Variants in KANK2 observed in about 807,000 individuals in gnomAD.
KANK2 encodes KN motif and ankyrin repeat domain-containing protein 2.
KANK2 carries 41 observed loss-of-function variants against 74.6 expected under a neutral mutation model. That is an observed-to-expected ratio of 0.55 (90% CI 0.43 to 0.71). The LOEUF is 0.71. Ranked by LOEUF, KANK2 falls within the 30% of genes least tolerant of loss-of-function variation. The pLI is 0.00. For missense variants in KANK2, 1,148 were observed against 1,196.4 expected (o/e 0.96, Z 0.60); for synonymous variants, 537 against 519.0 (o/e 1.03, Z -0.47).
chr19:11,183,799 C>T lies in KANK2; in HGVS notation c.1250-5079G>A, dbSNP rs192651562. 9.9e-5 allele frequency among the ~76,000 whole-genome samples: 15 copies of T among 152,118 alleles called. No individual in the cohort carries two copies. The East Asian group carries it at 1.2e-3, about 12-fold the overall frequency. On this transcript the variant is annotated intron_variant, in intron 4 of 12. Coordinates refer to ENST00000586659, the MANE Select transcript of KANK2 (RefSeq NM_001136191.3). ...CCGAGTAGCTGGGATTACAAGTGCC[C>T]GCTACCATGCCCAGCTAATTTTTTT...
chr19:11,173,251 C>G, intron 9 of KANK2, 128 bp from the exon 10 acceptor site: 1 of 937,748 alleles, frequency 1.1e-6, no homozygotes, highest in Non-Finnish European at 1.5e-6. Flanking sequence ...CAGAGGACCC[C>G]ACTCTGCCCT....
intron 4 of KANK2, among the ~76,000 whole-genome samples, chr19:11,188,062 T>C (rs1264323205): frequency 6.6e-6 from 1 of 152,168 alleles, no homozygotes; most frequent in Non-Finnish European, 1.5e-5. Context: ...TACTGACCCT[T>C]AGCATTGAAG....
At position 11,193,615 on chromosome 19, in the gene KANK2, C is replaced by G. The variant is rs768690368; in HGVS notation, c.465G>C (p.Ser155=). The change falls in exon 4 of 13, where the codon TCG becomes TCC. Residue 155 remains serine (S), a synonymous_variant. Coordinates refer to ENST00000586659, the MANE Select transcript of KANK2 (RefSeq NM_001136191.3). This position sits in a 1 kb window ranked among gnomAD's most constrained non-coding sequence, Gnocchi z 9.6. ...ACCCCACGCCCACCAGGGAGGCTGT[C>G]GAGCCGGCCGCACTGGGGGTCAGGG... ...LGSLTPSAAG[S]TASLVGVGLP... The G allele has an allele frequency of 3.2e-6, 5 of 1,584,550 alleles. No homozygotes were observed. The African/African-American group carries it at 6.7e-5, about 21-fold the overall frequency.
chr19:11,186,669 A>G (rs1464516805), intron 4 of KANK2, among the ~76,000 whole-genome samples: 1 of 152,212 alleles, frequency 6.6e-6, no homozygotes, highest in Non-Finnish European at 1.5e-5. Flanking sequence ...ACTGCACTCC[A>G]GCCTGGGCAA....
Position 11,173,110 on chromosome 19 carries a change from C to T in KANK2, c.2082G>A (p.Val694=). 3 of 1,613,462 alleles carry T rather than the reference C, an allele frequency of 1.9e-6. No homozygotes were observed. The highest frequency in any genetic ancestry group is 1.7e-6 in the Non-Finnish European group (2 of 1,179,690). Residue 694 remains valine, a synonymous_variant, in exon 10 of 13, where the codon GTG becomes GTA. Coordinates refer to ENST00000586659, the MANE Select transcript of KANK2 (RefSeq NM_001136191.3). ...TGTAGCCAGCACGGTTCTGTTTGTC[C>T]ACCTTGCAGACACCTAAGAGACATG... ...QQLLDSGVCK[V]DKQNRAGYSP... is the part of the protein sequence containing the mutation.
intron 8 of KANK2, 96 bp downstream of exon 8, chr19:11,175,806 A>C: frequency 4.9e-6 from 4 of 810,818 alleles, no homozygotes; most frequent in Non-Finnish European, 6.1e-6. Flanking sequence ...CCCACTAGGC[A>C]GGAGCAGGAA....
chr19:11,169,376 C>T (rs1025102521), intron 12 of KANK2, among the ~76,000 whole-genome samples: 5 of 152,146 alleles, frequency 3.3e-5, no homozygotes, highest in East Asian at 1.9e-4. Flanking sequence ...GGTGTGGTGA[C>T]GTGCGCCTGT....
At chr19:11,188,615 TC>T (rs2078746457) in intron 4 of KANK2, among the ~76,000 whole-genome samples, 1 of 151,916 alleles carries the variant, frequency 6.6e-6, no homozygotes, top group Non-Finnish European at 1.5e-5. Flanking sequence ...AGGGCCTTTG[TC>T]CCTGCTGTGC....
chr19:11,174,566 CGTA>C lies in KANK2; in HGVS notation c.1972_1974del (p.Tyr658del). The stretch of plus-strand genomic sequence containing the variant: ...CCGTTGCTGTCGGCGATGTTGACCA[CGTA>C]GTCCAGCAGCCGCGCAGACATGGCC... On this transcript the variant is annotated inframe_deletion, in exon 9 of 13. Transcript: ENST00000586659. 6.2e-7 allele frequency: 1 copy of C among 1,613,566 alleles called. No homozygotes were observed. The highest frequency in any genetic ancestry group is 8.5e-7 in the Non-Finnish European group (1 of 1,179,860).
Position 11,195,684 on chromosome 19 carries a change from TCTCCA to T in KANK2, c.-147_-143del, listed in dbSNP as rs2078997588. On this transcript the variant is annotated 5_prime_UTR_variant, in exon 2 of 13. Coordinates refer to ENST00000586659, the MANE Select transcript of KANK2 (RefSeq NM_001136191.3). ...GTCTCTCTCCAAGTCTCTCTGTGTC[TCTCCA>T]CGTCTCTCTGTGTCTCTCCACGTCT... 2.3e-5 allele frequency: 1 copy of T among 44,172 alleles called. No individual in the cohort carries two copies. The highest frequency in any genetic ancestry group is 4.1e-5 in the Non-Finnish European group (1 of 24,150). 2.7% of individuals were successfully genotyped at this position (44,172 alleles called of 1,614,324 possible).
chr19:11,190,505 G>T (rs898162008), intron 4 of KANK2, among the ~76,000 whole-genome samples: 1 of 152,120 alleles, frequency 6.6e-6, no homozygotes, highest in African/African-American at 2.4e-5. Context: ...GTTTCCCCAG[G>T]TATGAACAGG....
rs770819010 is a variant in KANK2, at chr19:11,193,023, G to A, written c.1057C>T (p.Arg353Trp). 1.7e-5 allele frequency: 27 copies of A among 1,612,726 alleles called. No homozygotes were observed. The highest frequency in any genetic ancestry group is 3.3e-5 in the Admixed American group (2 of 59,902). Residue 353 changes from arginine to tryptophan, a missense_variant, in exon 4 of 13, where the codon CGG (arginine) becomes TGG (tryptophan). Coordinates refer to ENST00000586659, the MANE Select transcript of KANK2 (RefSeq NM_001136191.3). The surrounding 1 kb of genome is among the most constrained non-coding windows in gnomAD (Gnocchi z 9.6). ...ASTAAGAPAQ[R>W]AQSLEPYGTG... ...CCGTAAGGCTCCAGGCTCTGGGCCC[G>A]CTGTGCGGGGGCGCCAGCGGCTGTG...
intron 1 of KANK2, chr19:11,196,355 G>C (rs1237919577): frequency 6.6e-6 from 1 of 152,416 alleles, no homozygotes; most frequent in Non-Finnish European, 1.5e-5. Flanking sequence ...ACTGCACCCA[G>C]CCTAACATCA....
intron 10 of KANK2, among the ~76,000 whole-genome samples, chr19:11,171,122 C>T (rs1384893749): frequency 6.6e-6 from 1 of 152,200 alleles, no homozygotes; most frequent in Non-Finnish European, 1.5e-5. Flanking sequence ...TAATTCTGGG[C>T]ACTGTGGCTT....
Position 11,170,002 on chromosome 19 carries a change from T to A in KANK2, c.2413-36A>T, listed in dbSNP as rs2078127424. On this transcript the variant is annotated intron_variant, in intron 11 of 12. Coordinates refer to ENST00000586659, the MANE Select transcript of KANK2 (RefSeq NM_001136191.3). The surrounding 1 kb of genome is among the most constrained non-coding windows in gnomAD (Gnocchi z 5.2). Reference sequence around the variant, plus strand: ...TCCGGTGCTATGAATGACGTCCCCATGCTGTGCTCCCGCCCTCCCCGGGGT... The same window carrying A: ...TCCGGTGCTATGAATGACGTCCCCAAGCTGTGCTCCCGCCCTCCCCGGGGT... 1 of 1,612,554 alleles carries A rather than the reference T, an allele frequency of 6.2e-7. No individual in the cohort carries two copies.
intron 10 of KANK2, among the ~76,000 whole-genome samples, chr19:11,172,547 G>A (rs190078537): frequency 7.1e-4 from 108 of 152,134 alleles, no homozygotes; most frequent in African/African-American, 2.6e-3. Flanking sequence ...TGAAGGGAGC[G>A]CTCAAACCAG....
chr19:11,193,109 G>C lies in KANK2; in HGVS notation c.971C>G (p.Pro324Arg), dbSNP rs113239163. 6.2e-7 allele frequency: 1 copy of C among 1,605,884 alleles called. No individual in the cohort carries two copies. Among genetic ancestry groups the C allele is most frequent in the Non-Finnish European group, 8.5e-7 (1 of 1,175,908 alleles). The change falls in exon 4 of 13, where the codon CCG (proline) becomes CGG (arginine). Residue 324 changes from proline (P) to arginine (R), a missense_variant. Transcript: ENST00000586659. This position sits in a 1 kb window ranked among gnomAD's most constrained non-coding sequence, Gnocchi z 9.6. ...QPQAWPPPDS[P>R]VRVDTVRVVE... is the part of the protein sequence containing the mutation. Reference sequence around the variant, plus strand: ...CACCCGGACTGTATCCACGCGGACCGGGCTGTCCGGCGGTGGCCAGGCCTG... The same window carrying C: ...CACCCGGACTGTATCCACGCGGACCCGGCTGTCCGGCGGTGGCCAGGCCTG...
intron 4 of KANK2, among the ~76,000 whole-genome samples, chr19:11,186,573 C>T (rs988302753): frequency 6.6e-6 from 1 of 151,836 alleles, no homozygotes; most frequent in African/African-American, 2.4e-5. Context: ...GGGGCGCATG[C>T]CTGTAATCTC....
At chr19:11,172,194 CTT>C (rs2078196462) in intron 10 of KANK2, among the ~76,000 whole-genome samples, 1 of 151,834 alleles carries the variant, frequency 6.6e-6, no homozygotes, top group African/African-American at 2.4e-5. Flanking sequence ...TCAGGCTGGT[CTT>C]GAACTTCTGA....
Sources: allele counts gnomAD v4.1 joint callset (sites outside exome capture counted in the v4.1 genomes callset), GRCh38; gene constraint gnomAD v4.1.1; non-coding constraint Gnocchi (gnomAD v3.1); transcripts MANE v1.5; gene names NCBI Gene and HGNC (gene_info 2026-07-23, HGNC 2026-07-21).